BBX: variants seen among roughly 807,000 people sequenced by gnomAD.
BBX encodes the protein BBX high mobility group box domain containing.
Under a neutral mutation model 100.2 loss-of-function variants are expected in BBX, and 30 were observed. The observed-to-expected ratio is 0.30, with a 90% CI of 0.22 to 0.41. BBX has a LOEUF of 0.41. BBX is among the 10% of genes least tolerant of loss of function. The pLI, the probability that BBX is intolerant of heterozygous loss-of-function variation, is 1.00. For missense variants in BBX, 1,023 were observed against 1,129.8 expected, an observed-to-expected ratio of 0.91 and a Z score of 1.35; for synonymous variants, 376 against 388.1, an observed-to-expected ratio of 0.97 and a Z score of 0.37.
In BBX at chr3:107,697,629, G is replaced by A. The variant is rs1233412393; in HGVS notation, c.-9-12823G>A. 1.2e-4 allele frequency among the ~76,000 whole-genome samples: 18 copies of A among 152,024 alleles called. No individual in the cohort carries two copies. The East Asian group carries it at 1.7e-3, about 15-fold the overall frequency. On this transcript the variant is annotated intron_variant, in intron 3 of 17. Transcript: ENST00000325805. Reference sequence around the variant, plus strand: ...GTCAGACAGGGACATTTAAGTCTGAGGAGGTTACTGCTGTCTTTTTGTTTG... The same window carrying A: ...GTCAGACAGGGACATTTAAGTCTGAAGAGGTTACTGCTGTCTTTTTGTTTG...
chr3:107,782,864 GA>G (rs1352575665), intron 13 of BBX, among the ~76,000 whole-genome samples: 9 of 152,026 alleles, frequency 5.9e-5, no homozygotes, highest in African/African-American at 1.2e-4. Context: ...AGCTGATGCA[GA>G]TATTCCCTCA....
At chr3:107,583,698 T>A (rs2052452387) in intron 2 of BBX, among the ~76,000 whole-genome samples, 2 of 150,896 alleles carry the variant, frequency 1.3e-5, no homozygotes, top group Admixed American at 6.7e-5. Context: ...TTGTACTCAT[T>A]AACCAACTTC....
At chr3:107,789,347 G>T (rs549737291) in intron 13 of BBX, among the ~76,000 whole-genome samples, 1 of 152,242 alleles carries the variant, frequency 6.6e-6, no homozygotes, top group Non-Finnish European at 1.5e-5. Context: ...TAATGCTGTC[G>T]GGTCAACTGC....
At chr3:107,745,698 C>T (rs1182294622) in intron 8 of BBX, among the ~76,000 whole-genome samples, 2 of 152,054 alleles carry the variant, frequency 1.3e-5, no homozygotes, top group African/African-American at 4.8e-5. Context: ...AGGCGATCGT[C>T]CCACCTCAGC....
At chr3:107,720,588 A>T (rs919084243) in intron 5 of BBX, among the ~76,000 whole-genome samples, 1 of 152,086 alleles carries the variant, frequency 6.6e-6, no homozygotes, top group Non-Finnish European at 1.5e-5. Flanking sequence ...GGCAAAAACC[A>T]CGAGAGACCA....
In BBX at chr3:107,568,265, A is replaced by ATTTTTTT. The variant is rs36099700; in HGVS notation, c.-84+41878_-84+41884dup. Among the ~76,000 whole-genome samples, 341 of 131,492 alleles carry ATTTTTTT rather than the reference A, an allele frequency of 2.6e-3. 4 individuals are homozygous for ATTTTTTT. The highest frequency in any genetic ancestry group is 9.4e-3 in the African/African-American group (326 of 34,632). 86.3% of individuals were successfully genotyped at this position (131,492 alleles called of 152,430 possible). A position where few individuals can be genotyped will look rare whatever the true frequency, so the allele number is the denominator to read the frequency against. On this transcript the variant is annotated intron_variant, in intron 2 of 17. Coordinates refer to ENST00000325805, the MANE Select transcript of BBX (RefSeq NM_001142568.3). The stretch of plus-strand genomic sequence containing the variant: ...TATGTCAGATTCTCTATTTTCTGCT[A>ATTTTTTT]TTTTTTTTTTTTTTTTTGAGATGGA...
At chr3:107,601,519 G>A (rs2054066801) in intron 2 of BBX, among the ~76,000 whole-genome samples, 1 of 152,184 alleles carries the variant, frequency 6.6e-6, no homozygotes, top group Admixed American at 6.5e-5. Flanking sequence ...TACGGAGAAA[G>A]TTTGGTCTGG....
chr3:107,762,939 G>A (rs1038394944), intron 10 of BBX, among the ~76,000 whole-genome samples: 11 of 152,074 alleles, frequency 7.2e-5, no homozygotes, highest in East Asian at 3.9e-4. Flanking sequence ...TGACACCGTC[G>A]CTTTTTGATA....
intron 2 of BBX, among the ~76,000 whole-genome samples, chr3:107,587,431 G>T (rs976212703): frequency 7.9e-5 from 12 of 151,210 alleles, no homozygotes; most frequent in Admixed American, 7.9e-4. Context: ...GGATCTTCTT[G>T]TAATTTTAAA....
At chr3:107,617,087 A>G (rs2055347290) in intron 2 of BBX, among the ~76,000 whole-genome samples, 1 of 152,166 alleles carries the variant, frequency 6.6e-6, no homozygotes, top group Admixed American at 6.5e-5. Context: ...TCTCAGGTCA[A>G]AGTTCCTTTT....
At chr3:107,708,433 T>G (rs2061512181) in intron 3 of BBX, among the ~76,000 whole-genome samples, 1 of 152,136 alleles carries the variant, frequency 6.6e-6, no homozygotes, top group African/African-American at 2.4e-5. Flanking sequence ...CCCAGCACTT[T>G]GGGAGGCTGA....
chr3:107,747,398 TATC>T (rs2064711626), intron 8 of BBX, among the ~76,000 whole-genome samples: 1 of 152,182 alleles, frequency 6.6e-6, no homozygotes, highest in Admixed American at 6.5e-5. Flanking sequence ...TGCAGATTAT[TATC>T]ATCATCATCA....
intron 16 of BBX, among the ~76,000 whole-genome samples, chr3:107,800,726 G>C (rs970833766): frequency 6.6e-6 from 1 of 152,156 alleles, no homozygotes; most frequent in African/African-American, 2.4e-5. Flanking sequence ...TTAGTCAGTT[G>C]GGTTTTTAAG....
chr3:107,531,297 G>A (rs1329240326), intron 2 of BBX, among the ~76,000 whole-genome samples: 2 of 152,152 alleles, frequency 1.3e-5, no homozygotes, highest in African/African-American at 4.8e-5. Flanking sequence ...AACAGAGGCC[G>A]TACCACCAAA....
In BBX at chr3:107,683,025, T is replaced by C. The variant is rs1411909540; in HGVS notation, c.-9-27427T>C. 5.3e-5 allele frequency among the ~76,000 whole-genome samples: 8 copies of C among 152,270 alleles called. No individual in the cohort carries two copies. In the East Asian group the frequency reaches 1.4e-3, roughly 26 times the overall value. The stretch of plus-strand genomic sequence containing the variant: ...TGAATGAGAATAACACCAAAATGCA[T>C]GGAGACAAAAATATCAGTCAATGCA... On this transcript the variant is annotated intron_variant, in intron 3 of 17. Coordinates refer to ENST00000325805, the MANE Select transcript of BBX (RefSeq NM_001142568.3).
chr3:107,639,416 C>T (rs1313020020), intron 2 of BBX, among the ~76,000 whole-genome samples: 3 of 152,106 alleles, frequency 2.0e-5, no homozygotes, highest in African/African-American at 2.4e-5. Flanking sequence ...CTGGGATTAT[C>T]TTCACTGTTT....
chr3:107,725,395 T>C (rs2107473286), intron 5 of BBX, among the ~76,000 whole-genome samples: 1 of 152,286 alleles, frequency 6.6e-6, no homozygotes, highest in Non-Finnish European at 1.5e-5. Flanking sequence ...TTGAATACCC[T>C]TTATTTCTTT....
At position 107,810,159 on chromosome 3, in the gene BBX, C is replaced by T. The variant is rs2071230749; in HGVS notation, c.*4702C>T. The T allele has an allele frequency of 6.6e-6, 1 of 151,134 alleles. No homozygotes were observed. The highest frequency in any genetic ancestry group is 1.5e-5 in the Non-Finnish European group (1 of 67,886). The allele number at this position is 151,134 out of a possible 1,614,324, so 9.4% of individuals were successfully genotyped here. A position where few individuals can be genotyped will look rare whatever the true frequency, so the allele number is the denominator to read the frequency against. On this transcript the variant is annotated 3_prime_UTR_variant, in exon 18 of 18. Transcript: ENST00000325805. ...ATGTATTTGACTCCCTCATAATCCCCATCTGTATGTGCTACCCTTCCTTCA... is the reference window on the plus strand; with the variant it reads ...ATGTATTTGACTCCCTCATAATCCCTATCTGTATGTGCTACCCTTCCTTCA...
chr3:107,560,179 T>C (rs2050380324), intron 2 of BBX, among the ~76,000 whole-genome samples: 1 of 151,822 alleles, frequency 6.6e-6, no homozygotes, highest in African/African-American at 2.4e-5. Context: ...ACTTTCTAAT[T>C]CAGTGTAGGG....
Sources: allele counts gnomAD v4.1 joint callset (sites outside exome capture counted in the v4.1 genomes callset), GRCh38; gene constraint gnomAD v4.1.1; transcripts MANE v1.5; gene names NCBI Gene and HGNC (gene_info 2026-07-23, HGNC 2026-07-21).